OSBPL10: variants seen among roughly 807,000 people sequenced by gnomAD.
OSBPL10 encodes oxysterol-binding protein-related protein 10.
Under a neutral mutation model 81.7 loss-of-function variants are expected in OSBPL10, and 49 were observed. The observed-to-expected ratio is 0.60, with a 90% CI of 0.48 to 0.76. The LOEUF (loss-of-function observed/expected upper bound fraction) is 0.76, where lower values mean the gene tolerates loss of function less well. Ranked by LOEUF, OSBPL10 falls within the 30% of genes least tolerant of loss-of-function variation. The pLI is 0.00. For missense variants in OSBPL10, 923 were observed against 987.8 expected, an observed-to-expected ratio of 0.93 and a Z score of 0.88; for synonymous variants, 419 against 383.6, an observed-to-expected ratio of 1.09 and a Z score of -1.08.
intron 4 of OSBPL10, among the ~76,000 whole-genome samples, chr3:31,775,722 T>TAGA (rs1306343655): frequency 9.2e-5 from 14 of 151,666 alleles, no homozygotes; most frequent in Admixed American, 8.5e-4. Flanking sequence ...GACTCAAAGG[T>TAGA]AGATGCCTGT....
intron 7 of OSBPL10, among the ~76,000 whole-genome samples, chr3:31,698,914 CCT>C: frequency 6.6e-6 from 1 of 152,108 alleles, no homozygotes; most frequent in African/African-American, 2.4e-5. Flanking sequence ...TCCCTCCTTC[CCT>C]CTCTCTCACT....
intron 7 of OSBPL10, among the ~76,000 whole-genome samples, chr3:31,690,009 G>A (rs1294155754): frequency 6.6e-6 from 1 of 152,154 alleles, no homozygotes; most frequent in Non-Finnish European, 1.5e-5. Flanking sequence ...GAGGTTGGCA[G>A]AGAGGGAAGA....
At chr3:31,685,609 G>A (rs1700773991) in intron 7 of OSBPL10, among the ~76,000 whole-genome samples, 1 of 152,146 alleles carries the variant, frequency 6.6e-6, no homozygotes, top group African/African-American at 2.4e-5. Flanking sequence ...GGCCACGCAG[G>A]GAACACACCG....
intron 5 of OSBPL10, among the ~76,000 whole-genome samples, chr3:31,735,762 C>G (rs985060569): frequency 1.4e-4 from 22 of 152,040 alleles, no homozygotes; most frequent in African/African-American, 4.8e-4. Context: ...CTGGGACCTC[C>G]CTGGCCAAAA....
intron 3 of OSBPL10, among the ~76,000 whole-genome samples, chr3:31,866,060 A>C (rs1241697248): frequency 2.6e-5 from 4 of 152,162 alleles, no homozygotes; most frequent in African/African-American, 9.7e-5. Flanking sequence ...GCACCTCTCC[A>C]AAGCCCTCTG....
At chr3:31,687,468 T>A (rs1203482116) in intron 7 of OSBPL10, among the ~76,000 whole-genome samples, 4 of 148,402 alleles carry the variant, frequency 2.7e-5, no homozygotes, top group African/African-American at 4.9e-5. Flanking sequence ...CTGAAGGATT[T>A]AAAAAAAAAA....
At chr3:31,952,959 G>A (rs921379909) in intron 1 of OSBPL10, among the ~76,000 whole-genome samples, 1 of 138,302 alleles carries the variant, frequency 7.2e-6, no homozygotes, top group Non-Finnish European at 1.5e-5. Flanking sequence ...TTGAGACGGA[G>A]TCTCATTCTG....
At chr3:31,838,314 T>G (rs560342713) in intron 3 of OSBPL10, among the ~76,000 whole-genome samples, 1 of 152,014 alleles carries the variant, frequency 6.6e-6, no homozygotes, top group East Asian at 1.9e-4. Context: ...ATCGAGACCA[T>G]CCTGGCTAAC....
intron 1 of OSBPL10, among the ~76,000 whole-genome samples, chr3:31,918,129 T>C (rs1359642239): frequency 6.6e-6 from 1 of 152,124 alleles, no homozygotes; most frequent in East Asian, 1.9e-4. Context: ...CAACTTACTA[T>C]AAATATCATT....
chr3:31,967,179 C>A (rs553910213), intron 1 of OSBPL10, among the ~76,000 whole-genome samples: 57 of 152,306 alleles, frequency 3.7e-4, no homozygotes, highest in African/African-American at 1.4e-3. Flanking sequence ...CATTCCCTCA[C>A]TGAGACATCT....
At chr3:31,730,265 C>T (rs1407333913) in intron 6 of OSBPL10, among the ~76,000 whole-genome samples, 3 of 151,656 alleles carry the variant, frequency 2.0e-5, no homozygotes, top group African/African-American at 4.9e-5. Context: ...CGCTTGAACC[C>T]GGGAGGCGGA....
At chr3:31,892,762 A>G (rs555814511) in intron 1 of OSBPL10, among the ~76,000 whole-genome samples, 1 of 152,282 alleles carries the variant, frequency 6.6e-6, no homozygotes, top group South Asian at 2.1e-4. Flanking sequence ...TCGGATCATC[A>G]TCAGGTAAAG....
At chr3:31,734,400 C>A (rs1263904712) in intron 5 of OSBPL10, among the ~76,000 whole-genome samples, 2 of 151,970 alleles carry the variant, frequency 1.3e-5, no homozygotes, top group Non-Finnish European at 2.9e-5. Context: ...ACAGGAGTAA[C>A]CAGAGGTGGA....
chr3:31,690,583 C>T (rs957410657), intron 7 of OSBPL10, among the ~76,000 whole-genome samples: 1 of 152,188 alleles, frequency 6.6e-6, no homozygotes, highest in African/African-American at 2.4e-5. Flanking sequence ...TCAAAGACAA[C>T]CTTCCCAAAA....
intron 1 of OSBPL10, among the ~76,000 whole-genome samples, chr3:31,965,539 TTATATATTATATATTATATAA>T (rs1698322401): frequency 2.0e-5 from 1 of 50,876 alleles, no homozygotes; most frequent in African/African-American, 1.5e-4. Flanking sequence ...ATTATATAAA[TTATATATTATATATTATATAA>T]ATTATATATT....
chr3:31,811,329 G>A (rs1057482193), intron 4 of OSBPL10, among the ~76,000 whole-genome samples: 5 of 152,296 alleles, frequency 3.3e-5, no homozygotes, highest in African/African-American at 7.2e-5. Flanking sequence ...GCCTCCACCC[G>A]GAGAGGCCTG....
In OSBPL10 at chr3:31,702,430, C is replaced by G; in HGVS notation, c.1174G>C (p.Val392Leu). The G allele has an allele frequency of 6.2e-7, 1 of 1,614,166 alleles. No homozygotes were observed. Among genetic ancestry groups the G allele is most frequent in the Non-Finnish European group, 8.5e-7 (1 of 1,179,980 alleles). The change falls in exon 7 of 12, where the codon GTC (valine) becomes CTC (leucine). Residue 392 changes from valine (V) to leucine (L), a missense_variant. By Grantham distance (32) the Val-to-Leu change is conservative (BLOSUM62 1). This residue lies in a region of OSBPL10 where 514 missense variants were observed against 508.0 expected (regional missense o/e 1.01). Transcript: ENST00000396556. The part of the protein sequence containing the change: ...NEDKEETELG[V>L]MEDQRSIILH... ...ATTATACTACGCTGATCCTCCATGA[C>G]GCCCAATTCCGTCTCTTCCTTATCT...
chr3:31,748,064 C>G lies in OSBPL10; in HGVS notation c.786G>C (p.Leu262=), dbSNP rs371477286. The G allele has an allele frequency of 2.5e-6, 4 of 1,614,156 alleles. No individual in the cohort carries two copies. The Middle Eastern group carries it at 4.9e-4, about 200-fold the overall frequency. The part of the protein sequence containing the change: ...QKNLVHAIES[L]PGSGPLTALD... ...AGGCAGTGAGGGGGCCGGACCCTGGCAGGGACTCAATGGCGTGCACAAGGT... is the reference window on the plus strand; with the variant it reads ...AGGCAGTGAGGGGGCCGGACCCTGGGAGGGACTCAATGGCGTGCACAAGGT... The change falls in exon 5 of 12, where the codon CTG becomes CTC. Residue 262 remains leucine (L), a synonymous_variant. Transcript: ENST00000396556.
intron 1 of OSBPL10, among the ~76,000 whole-genome samples, chr3:31,938,784 A>C (rs1697454768): frequency 6.6e-6 from 1 of 152,094 alleles, no homozygotes; most frequent in African/African-American, 2.4e-5. Context: ...GTGAGCCAAC[A>C]TGCCTGGCCA....
Sources: allele counts gnomAD v4.1 joint callset (sites outside exome capture counted in the v4.1 genomes callset), GRCh38; gene constraint gnomAD v4.1.1; regional missense constraint gnomAD v4.1.1; transcripts MANE v1.5; gene names NCBI Gene and HGNC (gene_info 2026-07-23, HGNC 2026-07-21).